The following CHM variants were observed in gnomAD, a reference collection of about 807,000 sequenced individuals.
CHM encodes the protein rab proteins geranylgeranyltransferase component A 1.
A neutral mutation model predicts 49.0 loss-of-function variants in CHM; 10 were observed. The observed-to-expected ratio is 0.20, with a 90% CI of 0.13 to 0.35. The LOEUF is 0.35. Ranked by LOEUF, CHM falls within the 10% of genes least tolerant of loss-of-function variation. The pLI, the probability that CHM is intolerant of heterozygous loss-of-function variation, is 1.00. For synonymous variants in CHM, 184 were observed against 167.5 expected (o/e 1.10, Z -0.76); for missense variants, 455 against 478.4 (o/e 0.95, Z 0.46).
At chrX:86,035,955 G>A (rs1227405720) in intron 1 of CHM, among the ~76,000 whole-genome samples, 3 of 108,962 alleles carry the variant, frequency 2.8e-5, no homozygotes, top group Non-Finnish European at 3.8e-5. Flanking sequence ...CACCATGCCC[G>A]GCTAATTTTT....
intron 2 of CHM, among the ~76,000 whole-genome samples, chrX:86,019,890 G>A (rs1221078877): frequency 9.0e-6 from 1 of 111,005 alleles, no homozygotes; most frequent in Non-Finnish European, 1.9e-5. Flanking sequence ...ATGACGGTGA[G>A]GAAGAGTGGA....
chrX:86,019,786 A>G (rs762669258), intron 2 of CHM: 1 of 112,031 alleles, frequency 8.9e-6, no homozygotes, highest in African/African-American at 3.2e-5. Context: ...GAGAATATAA[A>G]TGATGCAGTT....
chrX:85,911,150 T>TATATATGTATATATATATATATGA (rs1926931931), intron 9 of CHM, 111 bp downstream of exon 9: 7 of 17,728 alleles, frequency 3.9e-4, no homozygotes, highest in African/African-American at 1.8e-3. Flanking sequence ...TATATATATA[T>TATATATGTATATATATATATATGA]ATATATATAT....
chrX:85,913,457 AAAG>A (rs1186131326), intron 8 of CHM, among the ~76,000 whole-genome samples: 1 of 110,036 alleles, frequency 9.1e-6, no homozygotes, highest in African/African-American at 3.3e-5. Context: ...GGCCAAAGTC[AAAG>A]AAGATGATGT....
intron 1 of CHM, among the ~76,000 whole-genome samples, chrX:86,036,507 T>C (rs1233204115): frequency 9.0e-6 from 1 of 110,752 alleles, no homozygotes; most frequent in Non-Finnish European, 1.9e-5. Flanking sequence ...ATGTTTCCTA[T>C]TGGACCTAAA....
intron 4 of CHM, 175 bp downstream of exon 4, chrX:85,978,592 T>G (rs1931412882): frequency 5.4e-6 from 2 of 368,837 alleles, no homozygotes; most frequent in African/African-American, 5.2e-5. Flanking sequence ...AGGTAAAATG[T>G]TATCATTATT....
chrX:85,959,624 A>C (rs1930190828), intron 5 of CHM, among the ~76,000 whole-genome samples: 1 of 111,975 alleles, frequency 8.9e-6, no homozygotes, highest in South Asian at 3.7e-4. Context: ...AGTGAAGATG[A>C]TGATTATTGC....
chrX:85,883,538 C>T (rs1476453435), intron 12 of CHM, among the ~76,000 whole-genome samples: 1 of 111,066 alleles, frequency 9.0e-6, no homozygotes, highest in Non-Finnish European at 1.9e-5. Flanking sequence ...AATTTAAGAA[C>T]TCCAGAACAT....
intron 8 of CHM, among the ~76,000 whole-genome samples, chrX:85,936,708 A>G (rs889313988): frequency 8.9e-6 from 1 of 112,235 alleles, no homozygotes; most frequent in African/African-American, 3.2e-5. Flanking sequence ...TACCAATCAC[A>G]TTAATTGGAT....
intron 13 of CHM, among the ~76,000 whole-genome samples, chrX:85,877,034 T>C (rs1924461019): frequency 9.0e-6 from 1 of 110,995 alleles, no homozygotes; most frequent in Admixed American, 9.6e-5. Flanking sequence ...CTACACAAAG[T>C]ATAGTTGTAG....
At chrX:85,901,472 T>C (rs1270896036) in intron 9 of CHM, among the ~76,000 whole-genome samples, 1 of 111,386 alleles carries the variant, frequency 9.0e-6, no homozygotes, top group East Asian at 2.8e-4. Flanking sequence ...ATAAGAATTA[T>C]AGTAAACCAT....
chrX:86,010,575 T>C (rs1355022976), intron 2 of CHM, among the ~76,000 whole-genome samples: 1 of 110,917 alleles, frequency 9.0e-6, no homozygotes, highest in African/African-American at 3.3e-5. Context: ...CTTTAATGTT[T>C]TCAATTTAAT....
intron 2 of CHM, among the ~76,000 whole-genome samples, chrX:86,005,098 G>C (rs144813282): frequency 1.7e-4 from 19 of 111,940 alleles, no homozygotes; most frequent in Middle Eastern, 9.2e-3. Flanking sequence ...TAGGACTCAG[G>C]ATTTAAAAAC....
At chrX:85,986,617 C>A (rs1931926665) in intron 2 of CHM, among the ~76,000 whole-genome samples, 1 of 112,062 alleles carries the variant, frequency 8.9e-6, no homozygotes. Flanking sequence ...CCAATAAAGA[C>A]CCTGTACGAA....
At chrX:86,009,358 C>T (rs1932961245) in intron 2 of CHM, among the ~76,000 whole-genome samples, 1 of 112,109 alleles carries the variant, frequency 8.9e-6, no homozygotes. Flanking sequence ...TTGAGTCATA[C>T]ATCCAGAAAG....
intron 2 of CHM, among the ~76,000 whole-genome samples, chrX:85,994,707 C>T (rs188545170): frequency 2.8e-3 from 312 of 111,641 alleles, no homozygotes; most frequent in African/African-American, 9.7e-3. Flanking sequence ...TCAACTACCA[C>T]CCCCACCCAA....
chrX:86,038,386 C>G (rs936959246), intron 1 of CHM, among the ~76,000 whole-genome samples: 1 of 111,557 alleles, frequency 9.0e-6, no homozygotes, highest in Admixed American at 9.5e-5. Context: ...CTCCTCCCCA[C>G]TTCGAGTTGT....
At chrX:85,900,168 A>G (rs1192805586) in intron 11 of CHM, among the ~76,000 whole-genome samples, 1 of 111,882 alleles carries the variant, frequency 8.9e-6, no homozygotes, top group Admixed American at 9.5e-5. Flanking sequence ...TAAACAATGG[A>G]ATATTATTCA....
intron 8 of CHM, among the ~76,000 whole-genome samples, chrX:85,944,021 T>A (rs1161665189): frequency 2.7e-5 from 3 of 111,623 alleles, no homozygotes; most frequent in African/African-American, 9.8e-5. Context: ...CTTGTTAAGG[T>A]AGAGGAGCAA....
Sources: allele counts gnomAD v4.1 joint callset (sites outside exome capture counted in the v4.1 genomes callset), GRCh38; gene constraint gnomAD v4.1.1; transcripts MANE v1.5; gene names NCBI Gene and HGNC (gene_info 2026-07-23, HGNC 2026-07-21).